RYR3: variants seen among roughly 807,000 people sequenced by gnomAD.
The protein encoded by RYR3 is ryanodine receptor 3.
RYR3 carries 207 observed loss-of-function variants against 584.3 expected under a neutral mutation model. That is an observed-to-expected ratio of 0.35 (90% CI 0.32 to 0.40). The LOEUF is 0.40. Among genes scored for constraint, RYR3 ranks in the 10% least tolerant of loss-of-function variants. The pLI, the probability that RYR3 is intolerant of heterozygous loss-of-function variation, is 1.00. For synonymous variants in RYR3, 2,416 were observed against 2,248.5 expected (o/e 1.07, Z -2.11); for missense variants, 5,616 against 6,089.2 (o/e 0.92, Z 2.59).
At chr15:33,829,157 C>A (rs1290991838) in intron 85 of RYR3, among the ~76,000 whole-genome samples, 2 of 148,320 alleles carry the variant, frequency 1.3e-5, no homozygotes, top group Non-Finnish European at 3.0e-5. Context: ...ACTGTTGACA[C>A]CAACTGCTCA....
chr15:33,346,638 C>CG (rs904867056), intron 1 of RYR3, among the ~76,000 whole-genome samples: 3 of 152,038 alleles, frequency 2.0e-5, no homozygotes, highest in African/African-American at 7.2e-5. Context: ...CCCTGTTGTG[C>CG]GGGGGGCACC....
chr15:33,367,313 CT>C (rs1404449246), intron 1 of RYR3, among the ~76,000 whole-genome samples: 4 of 152,184 alleles, frequency 2.6e-5, no homozygotes, highest in African/African-American at 9.7e-5. Context: ...TGAATTCTCC[CT>C]TTTGTCACTT....
chr15:33,473,303 A>G, intron 1 of RYR3, 116 bp from the exon 2 acceptor site: 20 of 1,231,402 alleles, frequency 1.6e-5, no homozygotes, highest in Non-Finnish European at 2.4e-5. Context: ...AATAAAAACA[A>G]AAAGCACGTG....
At chr15:33,340,474 A>T (rs950536248) in intron 1 of RYR3, among the ~76,000 whole-genome samples, 2 of 152,244 alleles carry the variant, frequency 1.3e-5, no homozygotes, top group East Asian at 3.8e-4. Flanking sequence ...ATAAAACACC[A>T]TAGACTGGGT....
intron 1 of RYR3, among the ~76,000 whole-genome samples, chr15:33,392,775 C>G (rs2042083002): frequency 6.6e-6 from 1 of 152,104 alleles, no homozygotes; most frequent in African/African-American, 2.4e-5. Context: ...TCCACAGTAT[C>G]TACTATGGTC....
intron 20 of RYR3, among the ~76,000 whole-genome samples, chr15:33,626,346 G>A (rs1484724304): frequency 6.6e-6 from 1 of 152,184 alleles, no homozygotes; most frequent in Non-Finnish European, 1.5e-5. Context: ...GAGACTGGCG[G>A]CATTTTGGAA....
intron 9 of RYR3, among the ~76,000 whole-genome samples, 157 bp downstream of exon 9, chr15:33,548,361 AG>A (rs2056410348): frequency 1.3e-5 from 2 of 152,330 alleles, no homozygotes; most frequent in African/African-American, 4.8e-5. Context: ...TTGTTTTTAA[AG>A]AACACACACA....
At chr15:33,387,663 A>C (rs199725339) in intron 1 of RYR3, among the ~76,000 whole-genome samples, 3 of 15,298 alleles carry the variant, frequency 2.0e-4, no homozygotes. Flanking sequence ...ATGACCTCAC[A>C]AAAAAAAAAC....
At chr15:33,830,810 T>C in intron 85 of RYR3, 153 bp from the exon 86 acceptor site, 1 of 632,322 alleles carries the variant, frequency 1.6e-6, no homozygotes, top group Non-Finnish European at 2.6e-6. Context: ...CCTAGAGACC[T>C]GGTATCTCTG....
chr15:33,437,127 TG>T, intron 1 of RYR3, among the ~76,000 whole-genome samples: 1 of 25,218 alleles, frequency 4.0e-5, no homozygotes, highest in Non-Finnish European at 7.3e-5. Context: ...AGTGTGTGTG[TG>T]TGTGTGTGTG....
At chr15:33,629,014 G>T (rs891274262) in intron 21 of RYR3, among the ~76,000 whole-genome samples, 4 of 152,232 alleles carry the variant, frequency 2.6e-5, no homozygotes, top group African/African-American at 9.6e-5. Context: ...GTAAGGTCAT[G>T]TCTGAAGGCA....
intron 43 of RYR3, among the ~76,000 whole-genome samples, chr15:33,719,469 C>T (rs556806081): frequency 1.3e-5 from 2 of 152,332 alleles, no homozygotes; most frequent in African/African-American, 4.8e-5. Context: ...CAAGCATTTC[C>T]ACCAGGTAAC....
At chr15:33,465,041 T>G (rs748589945) in intron 1 of RYR3, among the ~76,000 whole-genome samples, 13 of 152,180 alleles carry the variant, frequency 8.5e-5, no homozygotes, top group Non-Finnish European at 1.9e-4. Flanking sequence ...CAGGATCCAA[T>G]AACATCTGTG....
intron 85 of RYR3, among the ~76,000 whole-genome samples, chr15:33,829,224 CA>C (rs2077536012): frequency 6.6e-6 from 1 of 152,102 alleles, no homozygotes; most frequent in South Asian, 2.1e-4. Context: ...CACCTGGTTC[CA>C]AGAGCTCTGA....
Position 33,793,921 on chromosome 15 carries a change from A to ACACTCT in RYR3, c.9830+5464_9830+5465insACTCTC, listed in dbSNP as rs1555459911. On this transcript the variant is annotated intron_variant, in intron 67 of 103. Coordinates refer to ENST00000634891, the MANE Select transcript of RYR3 (RefSeq NM_001036.6). Reference sequence around the variant, plus strand: ...CACACAACACCTTACACACACACACACTCTATATATATACATATATAAATA... The same window carrying ACACTCT: ...CACACAACACCTTACACACACACACACACTCTCTCTATATATATACATATATAAATA... 5.9e-3 allele frequency among the ~76,000 whole-genome samples: 259 copies of ACACTCT among 44,056 alleles called. 2 individuals carry two copies. The East Asian group carries it at 0.11, about 19-fold the overall frequency. The allele number at this position is 44,056 out of a possible 152,430, so 28.9% of individuals were successfully genotyped here.
In RYR3 at chr15:33,730,122, T is replaced by C. The variant is rs184542941; in HGVS notation, c.7203+1096T>C. Among the ~76,000 whole-genome samples the C allele has an allele frequency of 5.0e-3, 761 of 152,292 alleles. 4 individuals carry two copies. The highest frequency in any genetic ancestry group is 0.017 in the African/African-American group (709 of 41,560). On this transcript the variant is annotated intron_variant, in intron 47 of 103. Coordinates refer to ENST00000634891, the MANE Select transcript of RYR3 (RefSeq NM_001036.6). ...TTCATAATGAATAATTATGAATAAT[T>C]ATTTGTGAATAATTAAAACAATGCT...
chr15:33,782,450 G>A (rs902436204), intron 65 of RYR3, among the ~76,000 whole-genome samples: 2 of 152,182 alleles, frequency 1.3e-5, no homozygotes, highest in Non-Finnish European at 2.9e-5. Flanking sequence ...ATCCATTAGC[G>A]ACACACTATG....
At chr15:33,529,188 A>T (rs1316612129) in intron 3 of RYR3, among the ~76,000 whole-genome samples, 1 of 152,248 alleles carries the variant, frequency 6.6e-6, no homozygotes. Context: ...GTAATTCCAC[A>T]CAGTATTAAA....
chr15:33,854,249 G>A, intron 96 of RYR3, 140 bp from the exon 97 acceptor site: 1 of 669,878 alleles, frequency 1.5e-6, no homozygotes, highest in South Asian at 1.8e-5. Context: ...TGTCTCATGG[G>A]GAGCACATAC....
Sources: allele counts gnomAD v4.1 joint callset (sites outside exome capture counted in the v4.1 genomes callset), GRCh38; gene constraint gnomAD v4.1.1; transcripts MANE v1.5; gene names NCBI Gene and HGNC (gene_info 2026-07-23, HGNC 2026-07-21).